Variants in FCHSD2 observed in about 807,000 individuals in gnomAD.
FCHSD2 encodes the protein F-BAR and double SH3 domains protein 2.
In FCHSD2, 38 loss-of-function variants were observed where a neutral mutation model predicts 108.1. The ratio of observed to expected loss-of-function variants is 0.35; its 90% CI spans 0.27 to 0.46. The LOEUF is 0.46. Among genes scored for constraint, FCHSD2 ranks in the 20% least tolerant of loss-of-function variants. The pLI is 1.00. For synonymous variants in FCHSD2, 279 were observed against 314.7 expected (o/e 0.89, Z 1.20); for missense variants, 751 against 897.8 (o/e 0.84, Z 2.09).
chr11:73,016,285 A>G (rs1857971434), intron 3 of FCHSD2, among the ~76,000 whole-genome samples: 1 of 150,898 alleles, frequency 6.6e-6, no homozygotes, highest in African/African-American at 2.4e-5. Context: ...CCTGGGTGAC[A>G]GAGTGAGGCT....
At chr11:73,019,090 T>C (rs1858039560) in intron 3 of FCHSD2, among the ~76,000 whole-genome samples, 1 of 152,208 alleles carries the variant, frequency 6.6e-6, no homozygotes, top group East Asian at 1.9e-4. Flanking sequence ...TCTGGTATTT[T>C]CTCAAATCAC....
At chr11:72,938,717 A>C (rs974846753) in intron 8 of FCHSD2, among the ~76,000 whole-genome samples, 2 of 152,126 alleles carry the variant, frequency 1.3e-5, no homozygotes, top group African/African-American at 4.8e-5. Context: ...GTAGAGAGGA[A>C]CCTGTCTTGA....
In FCHSD2 at chr11:72,922,012, T is replaced by A. The variant is rs537169920; in HGVS notation, c.706-62A>T. The A allele has an allele frequency of 9.3e-5, 114 of 1,226,866 alleles. No homozygotes were observed. The African/African-American group carries it at 1.3e-3, about 14-fold the overall frequency. The allele number at this position is 1,226,866 out of a possible 1,614,324, so 76.0% of individuals were successfully genotyped here. A position where few individuals can be genotyped will look rare whatever the true frequency, so the allele number is the denominator to read the frequency against. ...AGTAAAGCCTTGACATATGATATCT[T>A]CTGCCTATGAGAAAAGTAGGTATGT... On this transcript the variant is annotated intron_variant, in intron 8 of 19. Transcript: ENST00000409418.
At chr11:72,965,829 T>G (rs7129921) in intron 8 of FCHSD2, among the ~76,000 whole-genome samples, 60,052 of 152,050 alleles carry the variant, frequency 0.39, 12,228 homozygotes, top group East Asian at 0.55. Flanking sequence ...GATAAGATTC[T>G]GTTGCTCTAC....
intron 13 of FCHSD2, among the ~76,000 whole-genome samples, chr11:72,861,896 ACTCCAGC>A (rs1339744106): frequency 6.7e-6 from 1 of 148,332 alleles, no homozygotes; most frequent in Admixed American, 7.0e-5. Flanking sequence ...ATGCCATTGC[ACTCCAGC>A]CTGGGCAACA....
At chr11:72,871,707 G>A (rs1854861790) in intron 12 of FCHSD2, among the ~76,000 whole-genome samples, 1 of 151,564 alleles carries the variant, frequency 6.6e-6, no homozygotes, top group Admixed American at 6.6e-5. Flanking sequence ...TCATGCCTGT[G>A]AATAGATAGC....
chr11:72,930,045 C>A (rs1856157565), intron 8 of FCHSD2, among the ~76,000 whole-genome samples: 1 of 151,994 alleles, frequency 6.6e-6, no homozygotes. Flanking sequence ...AATTGGGTCA[C>A]CTTTATTATG....
chr11:73,046,186 C>A (rs1858761613), intron 3 of FCHSD2, among the ~76,000 whole-genome samples: 1 of 152,026 alleles, frequency 6.6e-6, no homozygotes, highest in South Asian at 2.1e-4. Flanking sequence ...AGACAGGGGT[C>A]TTGCCATCTT....
chr11:72,988,402 A>C (rs1857350049), intron 6 of FCHSD2, among the ~76,000 whole-genome samples: 1 of 152,232 alleles, frequency 6.6e-6, no homozygotes. Flanking sequence ...AAAAGGTCTT[A>C]TAATTCACAT....
intron 2 of FCHSD2, among the ~76,000 whole-genome samples, chr11:73,096,987 A>ATTTTGTTTTTTTTTTTTTTTTTTTTT (rs1860096859): frequency 3.7e-5 from 1 of 27,020 alleles, no homozygotes; most frequent in Non-Finnish European, 5.6e-5. Context: ...TCATTGATGG[A>ATTTTGTTTTTTTTTTTTTTTTTTTTT]TTTTTTTTTT....
At chr11:72,970,972 A>G (rs551657222) in intron 8 of FCHSD2, among the ~76,000 whole-genome samples, 17 of 152,188 alleles carry the variant, frequency 1.1e-4, no homozygotes, top group Non-Finnish European at 2.4e-4. Flanking sequence ...CATTAATGAG[A>G]AACGTGAGAT....
intron 8 of FCHSD2, among the ~76,000 whole-genome samples, chr11:72,928,770 G>A (rs1049357959): frequency 2.6e-5 from 4 of 152,086 alleles, no homozygotes; most frequent in Admixed American, 1.3e-4. Flanking sequence ...TGTGCACAAC[G>A]TGCAGGTTTG....
intron 2 of FCHSD2, among the ~76,000 whole-genome samples, chr11:73,087,237 T>A (rs1432267530): frequency 1.3e-5 from 2 of 152,144 alleles, no homozygotes. Flanking sequence ...TAAAAATTTG[T>A]AAAAATAGTC....
intron 19 of FCHSD2, 86 bp from the exon 20 acceptor site, chr11:72,838,960 CA>C: frequency 8.0e-7 from 1 of 1,245,064 alleles, no homozygotes; most frequent in Non-Finnish European, 1.2e-6. Flanking sequence ...CTCATCTGTC[CA>C]AGGACATGGG....
chr11:73,035,051 T>G (rs1286092517), intron 3 of FCHSD2, among the ~76,000 whole-genome samples: 1 of 152,226 alleles, frequency 6.6e-6, no homozygotes, highest in Admixed American at 6.5e-5. Flanking sequence ...CAGCCACTAT[T>G]GGGAACAACT....
intron 3 of FCHSD2, among the ~76,000 whole-genome samples, chr11:73,019,700 T>C (rs753198760): frequency 3.9e-5 from 6 of 152,184 alleles, no homozygotes; most frequent in Non-Finnish European, 8.8e-5. Flanking sequence ...CTAATCTGCA[T>C]GGATGCTCAG....
chr11:73,083,059 G>A (rs1293012829), intron 3 of FCHSD2, among the ~76,000 whole-genome samples: 2 of 152,112 alleles, frequency 1.3e-5, no homozygotes, highest in Admixed American at 6.6e-5. Flanking sequence ...AACTAAATGC[G>A]TGATGAAAAA....
intron 4 of FCHSD2, among the ~76,000 whole-genome samples, chr11:73,008,644 A>G (rs1857794359): frequency 6.6e-6 from 1 of 152,190 alleles, no homozygotes; most frequent in Non-Finnish European, 1.5e-5. Context: ...AGGTTTCTTC[A>G]TGGTTTTGAA....
At chr11:72,852,774 GA>G (rs1161943463) in intron 13 of FCHSD2, among the ~76,000 whole-genome samples, 1 of 152,026 alleles carries the variant, frequency 6.6e-6, no homozygotes, top group Non-Finnish European at 1.5e-5. Context: ...GTTGAATAAA[GA>G]AAATGTGGTA....
Sources: allele counts gnomAD v4.1 joint callset (sites outside exome capture counted in the v4.1 genomes callset), GRCh38; gene constraint gnomAD v4.1.1; transcripts MANE v1.5; gene names NCBI Gene and HGNC (gene_info 2026-07-23, HGNC 2026-07-21).